Variants in CENPW observed in about 807,000 individuals in gnomAD.
The protein encoded by CENPW is centromere protein W.
A neutral mutation model predicts 11.1 loss-of-function variants in CENPW; 3 were observed. The observed-to-expected ratio is 0.27, with a 90% CI of 0.12 to 0.70. CENPW has a LOEUF of 0.70. CENPW is among the 30% of genes least tolerant of loss of function. The pLI, the probability that CENPW is intolerant of heterozygous loss-of-function variation, is 0.77. For missense variants in CENPW, 100 were observed against 105.6 expected, an observed-to-expected ratio of 0.95 and a Z score of 0.23; for synonymous variants, 38 against 42.0, an observed-to-expected ratio of 0.91 and a Z score of 0.37.
At chr6:126,480,066 A>G in the CENPW span, among the ~76,000 whole-genome samples, 1 of 152,002 alleles carries the variant, frequency 6.6e-6, no homozygotes, top group African/African-American at 2.4e-5. Context: ...GGTTTAGTGC[A>G]TGTTATAGTC....
the CENPW span, among the ~76,000 whole-genome samples, chr6:126,358,677 T>C: frequency 2.0e-5 from 3 of 152,152 alleles, no homozygotes; most frequent in East Asian, 1.9e-4. Context: ...TCTTTTTTCA[T>C]TGTGTCTCTG....
At chr6:126,400,478 G>C in the CENPW span, among the ~76,000 whole-genome samples, 11 of 151,780 alleles carry the variant, frequency 7.2e-5, no homozygotes, top group Admixed American at 6.6e-5. Flanking sequence ...ATACATCTGT[G>C]TTTCTTGTTG....
the CENPW span, among the ~76,000 whole-genome samples, chr6:126,387,133 TAATA>T: frequency 9.9e-3 from 1,501 of 152,054 alleles, 20 homozygotes; most frequent in African/African-American, 0.035. Context: ...GTTTTTCTTT[TAATA>T]AATAAATTCC....
the CENPW span, among the ~76,000 whole-genome samples, chr6:126,404,091 A>G: frequency 6.6e-6 from 1 of 152,082 alleles, no homozygotes; most frequent in African/African-American, 2.4e-5. Flanking sequence ...ACATCTGTTG[A>G]CAGCATGGTT....
chr6:126,480,467 T>G, the CENPW span, among the ~76,000 whole-genome samples: 10 of 152,110 alleles, frequency 6.6e-5, no homozygotes, highest in South Asian at 1.9e-3. Flanking sequence ...TACTTGGAGA[T>G]CATTAATTTG....
intron 1 of CENPW, among the ~76,000 whole-genome samples, chr6:126,344,497 G>T (rs1038943877): frequency 6.6e-6 from 1 of 152,142 alleles, no homozygotes; most frequent in African/African-American, 2.4e-5. Flanking sequence ...GAAGTAGAAA[G>T]AATAGATTAA....
intron 1 of CENPW, 50 bp from the exon 2 acceptor site, chr6:126,346,155 A>G (rs367809122): frequency 1.8e-5 from 17 of 926,682 alleles, no homozygotes; most frequent in South Asian, 6.5e-5. Context: ...TATTATTTCA[A>G]TGCATCAGTA....
At chr6:126,393,606 A>G in the CENPW span, among the ~76,000 whole-genome samples, 6 of 151,446 alleles carry the variant, frequency 4.0e-5, no homozygotes, top group South Asian at 6.2e-4. Context: ...TTATCTTATT[A>G]ATTTGTAGTT....
the CENPW span, among the ~76,000 whole-genome samples, chr6:126,402,614 A>G: frequency 6.7e-6 from 1 of 148,830 alleles, no homozygotes. Context: ...GAATCATTCA[A>G]TGTGTAGTCC....
the CENPW span, among the ~76,000 whole-genome samples, chr6:126,374,815 A>G: frequency 1.3e-5 from 2 of 152,206 alleles, no homozygotes; most frequent in Admixed American, 6.5e-5. Flanking sequence ...TAGCTATATG[A>G]GTAGCTCAAT....
At chr6:126,341,841 T>C (rs2128289403) in intron 1 of CENPW, among the ~76,000 whole-genome samples, 1 of 152,266 alleles carries the variant, frequency 6.6e-6, no homozygotes, top group South Asian at 2.1e-4. Flanking sequence ...GTAGTCAGCA[T>C]CCTCCCACAT....
At chr6:126,360,115 C>G in the CENPW span, among the ~76,000 whole-genome samples, 2 of 152,112 alleles carry the variant, frequency 1.3e-5, no homozygotes, top group Admixed American at 6.5e-5. Context: ...TAAGGCCGGT[C>G]TAATTGTAAC....
At chr6:126,456,538 T>A in the CENPW span, among the ~76,000 whole-genome samples, 1 of 151,570 alleles carries the variant, frequency 6.6e-6, no homozygotes, top group African/African-American at 2.4e-5. Flanking sequence ...CCTTACATCA[T>A]ACACAAAAAT....
At chr6:126,375,969 C>G in the CENPW span, among the ~76,000 whole-genome samples, 1 of 152,132 alleles carries the variant, frequency 6.6e-6, no homozygotes, top group South Asian at 2.1e-4. Flanking sequence ...GCCCATCAAC[C>G]TAGTTCTCAT....
At chr6:126,475,116 C>A in the CENPW span, among the ~76,000 whole-genome samples, 1 of 151,990 alleles carries the variant, frequency 6.6e-6, no homozygotes, top group African/African-American at 2.4e-5. Context: ...ATTTTTATTT[C>A]TAACTTAAAT....
the CENPW span, among the ~76,000 whole-genome samples, chr6:126,409,278 A>G: frequency 1.3e-4 from 20 of 152,282 alleles, 1 homozygote; most frequent in East Asian, 5.8e-4. Context: ...TCACTGATAC[A>G]AGAAAAGATA....
chr6:126,468,420 CAAAAA>C, the CENPW span, among the ~76,000 whole-genome samples: 3 of 53,534 alleles, frequency 5.6e-5, no homozygotes, highest in South Asian at 1.2e-3. Context: ...AACTCTGTCT[CAAAAA>C]AAAAAAAAAA....
At chr6:126,418,678 C>T in the CENPW span, among the ~76,000 whole-genome samples, 1 of 152,054 alleles carries the variant, frequency 6.6e-6, no homozygotes, top group Admixed American at 6.6e-5. Flanking sequence ...GCAACTCCAT[C>T]ATCATTCTTG....
At chr6:126,442,443 G>C in the CENPW span, among the ~76,000 whole-genome samples, 1 of 151,324 alleles carries the variant, frequency 6.6e-6, no homozygotes, top group Non-Finnish European at 1.5e-5. Flanking sequence ...TCACAGAGTG[G>C]GAGAAAATCT....
Sources: gnomAD v4.1 joint callset for allele counts (sites outside exome capture counted in the v4.1 genomes callset) on GRCh38, gnomAD v4.1.1 for gene constraint, MANE v1.5 for transcripts, NCBI Gene and HGNC (gene_info 2026-07-23, HGNC 2026-07-21) for gene names.